Variants in NRXN1 observed in about 807,000 individuals in gnomAD.
NRXN1 encodes neurexin-1.
Under a neutral mutation model 150.9 loss-of-function variants are expected in NRXN1, and 39 were observed. That is an observed-to-expected ratio of 0.26 (90% confidence interval 0.20 to 0.34). The LOEUF (loss-of-function observed/expected upper bound fraction) is 0.34. Among genes scored for constraint, NRXN1 ranks in the 10% least tolerant of loss-of-function variants. The pLI, the probability that NRXN1 is intolerant of heterozygous loss-of-function variation, is 1.00. For missense variants in NRXN1, 1,815 were observed against 1,949.9 expected (o/e 0.93, Z 1.30); for synonymous variants, 924 against 757.0 (o/e 1.22, Z -3.62).
At chr2:50,197,511 T>C (rs906473920) in intron 18 of NRXN1, among the ~76,000 whole-genome samples, 1 of 152,164 alleles carries the variant, frequency 6.6e-6, no homozygotes. Flanking sequence ...GTTACAGAGA[T>C]TGAAGTAACG....
chr2:50,745,788 C>G (rs1253302566), intron 5 of NRXN1, among the ~76,000 whole-genome samples: 7 of 152,082 alleles, frequency 4.6e-5, no homozygotes, highest in Admixed American at 1.3e-4. Context: ...AGAACTTACT[C>G]ACCATCATGA....
intron 12 of NRXN1, among the ~76,000 whole-genome samples, chr2:50,526,451 A>T (rs1334116622): frequency 6.6e-6 from 1 of 152,204 alleles, no homozygotes; most frequent in Non-Finnish European, 1.5e-5. Context: ...GGACACATGT[A>T]ATAACTCAGT....
intron 5 of NRXN1, among the ~76,000 whole-genome samples, chr2:50,640,955 G>A (rs1683992647): frequency 1.3e-5 from 2 of 152,064 alleles, no homozygotes; most frequent in African/African-American, 2.4e-5. Context: ...AGTAGATAAA[G>A]AAATAAAGAC....
chr2:50,377,985 T>C (rs1007298044), intron 17 of NRXN1, among the ~76,000 whole-genome samples: 13 of 152,132 alleles, frequency 8.5e-5, no homozygotes, highest in Non-Finnish European at 1.8e-4. Flanking sequence ...TCAATGACAA[T>C]ATCATCTAGC....
At chr2:50,040,038 C>T (rs944980418) in intron 21 of NRXN1, among the ~76,000 whole-genome samples, 6 of 152,040 alleles carry the variant, frequency 3.9e-5, no homozygotes, top group African/African-American at 1.4e-4. Flanking sequence ...TAATGGTAAT[C>T]TAAATGGTCT....
At chr2:49,989,997 G>A (rs1407808201) in intron 21 of NRXN1, among the ~76,000 whole-genome samples, 1 of 151,888 alleles carries the variant, frequency 6.6e-6, no homozygotes, top group East Asian at 1.9e-4. Context: ...TGGGCTCCAG[G>A]CCAGCTTCTA....
Position 50,347,425 on chromosome 2 carries a change from G to C in NRXN1, c.3365-110455C>G. The C allele has an allele frequency of 2.6e-6, 3 of 1,148,734 alleles. No individual in the cohort carries two copies. The highest frequency in any genetic ancestry group is 3.3e-6 in the Non-Finnish European group (3 of 920,966). The allele number at this position is 1,148,734 out of a possible 1,614,324, so 71.2% of individuals were successfully genotyped here. A position where few individuals can be genotyped will look rare whatever the true frequency, so the allele number is the denominator to read the frequency against. On this transcript the variant is annotated intron_variant, in intron 17 of 22. Transcript: ENST00000401669. The surrounding 1 kb of genome is among the most constrained non-coding windows in gnomAD (Gnocchi z 4.9). ...ATTTAGCTTTGTGTGCGGGGACTAG[G>C]GAGGCCACTTCGCCGGCCCAACCTC...
At chr2:50,392,352 C>G (rs993508506) in intron 17 of NRXN1, among the ~76,000 whole-genome samples, 1 of 152,074 alleles carries the variant, frequency 6.6e-6, no homozygotes, top group Non-Finnish European at 1.5e-5. Context: ...AAATTACTTA[C>G]AGATTATCAC....
intron 5 of NRXN1, among the ~76,000 whole-genome samples, chr2:50,721,813 G>T (rs951476153): frequency 2.6e-5 from 4 of 151,880 alleles, no homozygotes; most frequent in Non-Finnish European, 5.9e-5. Context: ...TATTTTACAG[G>T]TAGAGAAAGT....
At chr2:50,098,751 G>A (rs1373523514) in intron 18 of NRXN1, among the ~76,000 whole-genome samples, 1 of 148,972 alleles carries the variant, frequency 6.7e-6, no homozygotes, top group Non-Finnish European at 1.5e-5. Context: ...CCAGGAAAAT[G>A]TCTTGAAACT....
chr2:50,565,449 T>C (rs1458270871), intron 8 of NRXN1, among the ~76,000 whole-genome samples: 1 of 152,150 alleles, frequency 6.6e-6, no homozygotes, highest in Non-Finnish European at 1.5e-5. Flanking sequence ...CTAGACCAAG[T>C]ATCCAGATGG....
intron 12 of NRXN1, among the ~76,000 whole-genome samples, chr2:50,524,352 G>A (rs1405314231): frequency 1.3e-5 from 2 of 151,948 alleles, no homozygotes; most frequent in African/African-American, 2.4e-5. Context: ...GCTGGTGCAC[G>A]CCTGTAGTTC....
chr2:50,473,456 G>C (rs2041869), intron 15 of NRXN1, among the ~76,000 whole-genome samples: 136,471 of 152,008 alleles, frequency 0.9, 61,517 homozygotes, highest in African/African-American at 0.94. Context: ...ACATAACTAA[G>C]TGACTTTAGT....
chr2:50,109,673 C>T (rs1702124360), intron 18 of NRXN1, among the ~76,000 whole-genome samples: 2 of 151,992 alleles, frequency 1.3e-5, no homozygotes, highest in Admixed American at 6.6e-5. Context: ...GTCTTGACAG[C>T]AATTACTGCA....
chr2:50,563,057 T>C (rs1669342042), intron 8 of NRXN1, among the ~76,000 whole-genome samples: 1 of 151,840 alleles, frequency 6.6e-6, no homozygotes, highest in African/African-American at 2.4e-5. Context: ...TTCACTTCAA[T>C]AAAAAAAAGC....
chr2:50,846,113 CTTAA>C (rs1462115098), intron 5 of NRXN1, among the ~76,000 whole-genome samples: 1 of 152,136 alleles, frequency 6.6e-6, no homozygotes, highest in Admixed American at 6.5e-5. Context: ...GTAGAATCAA[CTTAA>C]AAAATTTTTT....
intron 18 of NRXN1, among the ~76,000 whole-genome samples, chr2:50,206,228 TACACAC>T (rs66795755): frequency 0.11 from 11,449 of 106,298 alleles, 530 homozygotes; most frequent in Non-Finnish European, 0.16. Flanking sequence ...TACACACAAA[TACACAC>T]ACACACACAC....
At chr2:50,634,809 G>A (rs1448885487) in intron 5 of NRXN1, among the ~76,000 whole-genome samples, 1 of 152,140 alleles carries the variant, frequency 6.6e-6, no homozygotes, top group Non-Finnish European at 1.5e-5. Context: ...GAAAAGAGCA[G>A]TGGTTATTCA....
intron 18 of NRXN1, among the ~76,000 whole-genome samples, chr2:50,160,883 T>A (rs149076959): frequency 1.3e-5 from 2 of 152,162 alleles, no homozygotes; most frequent in Non-Finnish European, 2.9e-5. Flanking sequence ...TTAAAAATTA[T>A]ACATATCTTT....
Sources: gnomAD v4.1 joint callset for allele counts (sites outside exome capture counted in the v4.1 genomes callset) on GRCh38, gnomAD v4.1.1 for gene constraint, Gnocchi (gnomAD v3.1) non-coding constraint, MANE v1.5 for transcripts, NCBI Gene and HGNC (gene_info 2026-07-23, HGNC 2026-07-21) for gene names.